Variants in EXOSC9 observed in about 807,000 individuals in gnomAD.
EXOSC9 encodes the protein exosome component 9.
EXOSC9 carries 38 observed loss-of-function variants against 56.5 expected under a neutral mutation model. The observed-to-expected ratio is 0.67, with a 90% CI of 0.52 to 0.88. The LOEUF (loss-of-function observed/expected upper bound fraction) is 0.88, where lower values mean the gene tolerates loss of function less well. Among genes scored for constraint, EXOSC9 ranks in the 40% least tolerant of loss-of-function variants. EXOSC9 has a pLI of 0.00. For missense variants in EXOSC9, 559 were observed against 530.5 expected, an observed-to-expected ratio of 1.05 and a Z score of -0.53; for synonymous variants, 170 against 170.8, an observed-to-expected ratio of 0.99 and a Z score of 0.04.
Position 121,816,925 on chromosome 4 carries a change from G to A in EXOSC9, c.*69G>A. ...ATTTATTCCATTCTGAGAACCCTGG[G>A]TATTTTTTATTCACAAATCCATTAT... On this transcript the variant is annotated 3_prime_UTR_variant, in exon 12 of 12. Transcript: ENST00000243498. 1.5e-6 allele frequency: 2 copies of A among 1,347,092 alleles called. No individual in the cohort carries two copies. The highest frequency in any genetic ancestry group is 9.8e-7 in the Non-Finnish European group (1 of 1,018,204). The allele number at this position is 1,347,092 out of a possible 1,614,324, so 83.4% of individuals were successfully genotyped here. A position where few individuals can be genotyped will look rare whatever the true frequency, so the allele number is the denominator to read the frequency against.
chr4:121,801,573 C>A, intron 1 of EXOSC9, 83 bp downstream of exon 1: 1 of 1,333,264 alleles, frequency 7.5e-7, no homozygotes, highest in Non-Finnish European at 1.1e-6. Flanking sequence ...CCGCCTGGGC[C>A]CGGGGAGCTA....
chr4:121,815,270 T>C lies in EXOSC9; in HGVS notation c.1157-1099T>C, dbSNP rs1724451232. 1.7e-5 allele frequency: 11 copies of C among 647,038 alleles called. No homozygotes were observed. In the South Asian group the frequency reaches 5.5e-4, roughly 32 times the overall value. 40.1% of individuals were successfully genotyped at this position (647,038 alleles called of 1,614,324 possible). On this transcript the variant is annotated intron_variant, in intron 10 of 11. Coordinates refer to ENST00000243498, the MANE Select transcript of EXOSC9 (RefSeq NM_005033.3). ...ACTAGTTGGTTTAACAATTCTCTTA[T>C]TGTTGAAGATGTAAGTTGTTTCCAT...
At position 121,810,065 on chromosome 4, in the gene EXOSC9, A is replaced by T. The variant is rs780052763; in HGVS notation, c.704A>T (p.Gln235Leu). The T allele has an allele frequency of 6.8e-6, 11 of 1,613,806 alleles. No individual in the cohort carries two copies. The highest frequency in any genetic ancestry group is 2.5e-6 in the Non-Finnish European group (3 of 1,179,780). ...AAACATCGAGAGATTTGTACTATCC[A>T]GTCCAGTGGTGGGATAATGCTACTA... ...MNKHREICTI[Q>L]SSGGIMLLKD... Residue 235 changes from glutamine (Q) to leucine (L), a missense_variant, in exon 7 of 12, where the codon CAG becomes CTG. By Grantham distance (113) the Gln-to-Leu change is moderately radical. Coordinates refer to ENST00000243498, the MANE Select transcript of EXOSC9 (RefSeq NM_005033.3).
intron 5 of EXOSC9, among the ~76,000 whole-genome samples, chr4:121,806,998 A>G (rs1727039941): frequency 1.3e-5 from 2 of 152,218 alleles, no homozygotes; most frequent in Non-Finnish European, 2.9e-5. Flanking sequence ...TATACTTAAA[A>G]TGAGTGGATT....
chr4:121,815,802 A>G (rs1351417292), intron 10 of EXOSC9: 1 of 1,020,870 alleles, frequency 9.8e-7, no homozygotes, highest in African/African-American at 1.7e-5. Context: ...GTCTCTACAA[A>G]AGATGCTATA....
intron 1 of EXOSC9, 103 bp downstream of exon 1, chr4:121,801,593 C>T (rs867799747): frequency 5.5e-6 from 6 of 1,084,246 alleles, no homozygotes; most frequent in African/African-American, 3.1e-5. Context: ...ACTAGGGGAA[C>T]GACCGGCACG....
chr4:121,815,983 T>G, intron 10 of EXOSC9: 8 of 1,240,764 alleles, frequency 6.4e-6, no homozygotes, highest in Non-Finnish European at 8.1e-6. Flanking sequence ...TTATTTTTAT[T>G]TTTTGGGATG....
Position 121,813,053 on chromosome 4 carries a change from GCTAA to G in EXOSC9, c.828-177_828-174del, listed in dbSNP as rs558517566. Among the ~76,000 whole-genome samples, 230 of 152,252 alleles carry G rather than the reference GCTAA, an allele frequency of 1.5e-3. 1 individual carries two copies. Among genetic ancestry groups the G allele is most frequent in the Non-Finnish European group, 2.5e-3 (168 of 68,014 alleles). On this transcript the variant is annotated intron_variant, in intron 8 of 11. Coordinates refer to ENST00000243498, the MANE Select transcript of EXOSC9 (RefSeq NM_005033.3). The stretch of plus-strand genomic sequence containing the variant: ...GGCACGTGGTTTAATAAATGATTAT[GCTAA>G]CTATTTACTCTTGTTAGGCATAATA...
At chr4:121,815,739 A>C (rs769796720) in intron 10 of EXOSC9, 46 of 989,378 alleles carry the variant, frequency 4.6e-5, no homozygotes, top group Non-Finnish European at 5.4e-5. Context: ...TATTTCTTGG[A>C]ATGTAAACTG....
At chr4:121,807,960 G>A in intron 6 of EXOSC9, 1 of 248,892 alleles carries the variant, frequency 4.0e-6, no homozygotes, top group Non-Finnish European at 7.6e-6. Flanking sequence ...GGGACAGTGG[G>A]GTGAGAATTA....
intron 10 of EXOSC9, 36 bp from the exon 11 acceptor site, chr4:121,816,327 CTTAACT>C: frequency 2.8e-6 from 3 of 1,065,848 alleles, no homozygotes; most frequent in Non-Finnish European, 2.6e-6. Context: ...CAAGAGATTG[CTTAACT>C]TTTTTTTTTT....
chr4:121,803,920 A>T lies in EXOSC9; in HGVS notation c.385-702A>T, dbSNP rs545353604. Among the ~76,000 whole-genome samples the T allele has an allele frequency of 2.6e-5, 4 of 152,302 alleles. No homozygotes were observed. The East Asian group carries it at 7.7e-4, about 29-fold the overall frequency. ...CTTCCCATATTCCATACCTAAGCAT[A>T]ATACTTCCTATTTGCATTACTTGTA... is the stretch of plus-strand genomic sequence containing the variant. On this transcript the variant is annotated intron_variant, in intron 4 of 11. Transcript: ENST00000243498.
chr4:121,816,696 C>CT (rs1367133051), intron 11 of EXOSC9, 76 bp from the exon 12 acceptor site: 4 of 1,424,430 alleles, frequency 2.8e-6, no homozygotes, highest in African/African-American at 2.9e-5. Flanking sequence ...TACTGGAAAA[C>CT]TAAGAAATGC....
intron 4 of EXOSC9, among the ~76,000 whole-genome samples, chr4:121,803,325 G>T (rs1726924555): frequency 6.6e-6 from 1 of 152,026 alleles, no homozygotes. Flanking sequence ...CAAAGAACTT[G>T]TGGCTTTTTC....
At chr4:121,814,093 A>G (rs779970067) in intron 10 of EXOSC9, 46 bp downstream of exon 10, 2 of 1,150,084 alleles carry the variant, frequency 1.7e-6, no homozygotes, top group Non-Finnish European at 2.6e-6. Context: ...ACATACATAT[A>G]GTATTACCGT....
chr4:121,805,260 A>G (rs564255681), intron 5 of EXOSC9, among the ~76,000 whole-genome samples: 1 of 152,262 alleles, frequency 6.6e-6, no homozygotes, highest in Admixed American at 6.5e-5. Flanking sequence ...AAAGTAAAAC[A>G]GGGCTAGGAC....
chr4:121,815,434 C>T, intron 10 of EXOSC9: 1 of 985,110 alleles, frequency 1.0e-6, no homozygotes, highest in Non-Finnish European at 1.2e-6. Flanking sequence ...CAGGTACAGC[C>T]TTCCTAAAGC....
At chr4:121,808,396 G>C (rs1446489171) in intron 6 of EXOSC9, among the ~76,000 whole-genome samples, 1 of 152,076 alleles carries the variant, frequency 6.6e-6, no homozygotes, top group Non-Finnish European at 1.5e-5. Flanking sequence ...GTCTGGCTTT[G>C]TTGCCCAATT....
Position 121,813,162 on chromosome 4 carries a change from C to T in EXOSC9, c.828-72C>T. 4.4e-6 allele frequency: 6 copies of T among 1,373,174 alleles called. No homozygotes were observed. In the African/African-American group the frequency reaches 4.4e-5, roughly 10 times the overall value. The allele number at this position is 1,373,174 out of a possible 1,614,324, so 85.1% of individuals were successfully genotyped here. A position where few individuals can be genotyped will look rare whatever the true frequency, so the allele number is the denominator to read the frequency against. Reference sequence around the variant, plus strand: ...CAAAGGATAAAATAATAGTTTTTTTCCCTTCCTGTCTTCTATCCAATCTGT... The same window carrying T: ...CAAAGGATAAAATAATAGTTTTTTTTCCTTCCTGTCTTCTATCCAATCTGT... On this transcript the variant is annotated intron_variant, in intron 8 of 11. Coordinates refer to ENST00000243498, the MANE Select transcript of EXOSC9 (RefSeq NM_005033.3).
Sources: allele counts gnomAD v4.1 joint callset (sites outside exome capture counted in the v4.1 genomes callset), GRCh38; gene constraint gnomAD v4.1.1; transcripts MANE v1.5; gene names NCBI Gene and HGNC (gene_info 2026-07-23, HGNC 2026-07-21).